PLCB1: variants seen among roughly 807,000 people sequenced by gnomAD.
The protein encoded by PLCB1 is phospholipase C beta 1, also known as 1-phosphatidylinositol 4,5-bisphosphate phosphodiesterase beta-1.
In PLCB1, 46 loss-of-function variants were observed where a neutral mutation model predicts 161.8. That is an observed-to-expected ratio of 0.28 (90% CI 0.22 to 0.36). PLCB1 has a LOEUF of 0.36. Ranked by LOEUF, PLCB1 falls within the 10% of genes least tolerant of loss-of-function variation. PLCB1 has a pLI of 1.00. For synonymous variants in PLCB1, 517 were observed against 503.7 expected, an observed-to-expected ratio of 1.03 and a Z score of -0.35; for missense variants, 1,016 against 1,472.5, an observed-to-expected ratio of 0.69 and a Z score of 5.07.
At chr20:8,626,814 G>A (rs1988363528) in intron 3 of PLCB1, among the ~76,000 whole-genome samples, 2 of 152,172 alleles carry the variant, frequency 1.3e-5, no homozygotes, top group Admixed American at 6.5e-5. Context: ...TCTCAATGGT[G>A]TTCAAAAACT....
intron 3 of PLCB1, among the ~76,000 whole-genome samples, chr20:8,572,706 CA>C (rs1275525453): frequency 6.6e-6 from 1 of 152,104 alleles, no homozygotes; most frequent in African/African-American, 2.4e-5. Context: ...ACTTCAGTTA[CA>C]AAACACAAGC....
At chr20:8,756,953 T>G in intron 23 of PLCB1, 93 bp from the exon 24 acceptor site, 1 of 1,177,942 alleles carries the variant, frequency 8.5e-7, no homozygotes, top group South Asian at 1.7e-5. Flanking sequence ...AAAAGAATTG[T>G]GAAGATGCTA....
At chr20:8,156,463 T>C (rs1333273261) in intron 2 of PLCB1, among the ~76,000 whole-genome samples, 2 of 152,246 alleles carry the variant, frequency 1.3e-5, no homozygotes, top group Non-Finnish European at 2.9e-5. Flanking sequence ...TAGGAACTGC[T>C]TAATGCAGAT....
At chr20:8,650,095 C>G (rs1418573508) in intron 7 of PLCB1, 2 of 151,720 alleles carry the variant, frequency 1.3e-5, no homozygotes, top group African/African-American at 4.8e-5. Flanking sequence ...TTAAAATAGT[C>G]AAAAAAGGCT....
intron 9 of PLCB1, among the ~76,000 whole-genome samples, chr20:8,664,315 G>GT (rs1989757009): frequency 6.6e-6 from 1 of 152,000 alleles, no homozygotes; most frequent in Admixed American, 6.6e-5. Context: ...TGAGTTAATA[G>GT]TTTAATAGTT....
At chr20:8,712,611 C>T (rs1416730403) in intron 12 of PLCB1, among the ~76,000 whole-genome samples, 5 of 152,230 alleles carry the variant, frequency 3.3e-5, no homozygotes, top group Non-Finnish European at 7.3e-5. Context: ...ACACCAAATT[C>T]AATGGAAGTA....
chr20:8,829,487 G>C (rs576127564), intron 31 of PLCB1, among the ~76,000 whole-genome samples: 32 of 152,332 alleles, frequency 2.1e-4, no homozygotes, highest in African/African-American at 6.7e-4. Flanking sequence ...TTACACACAT[G>C]CTTTAGTTTG....
intron 2 of PLCB1, among the ~76,000 whole-genome samples, chr20:8,290,232 C>T (rs776120768): frequency 1.3e-5 from 2 of 152,126 alleles, no homozygotes; most frequent in African/African-American, 2.4e-5. Flanking sequence ...AGAGAAGATC[C>T]TGGATTACTC....
intron 2 of PLCB1, among the ~76,000 whole-genome samples, chr20:8,256,296 G>A (rs747402934): frequency 6.6e-6 from 1 of 152,120 alleles, no homozygotes; most frequent in Non-Finnish European, 1.5e-5. Flanking sequence ...CCTATCCTGG[G>A]TGGTTCTTCC....
chr20:8,590,654 T>G (rs1987120838), intron 3 of PLCB1, among the ~76,000 whole-genome samples: 2 of 152,144 alleles, frequency 1.3e-5, no homozygotes, highest in Non-Finnish European at 1.5e-5. Context: ...TCCTCACCTT[T>G]TCCAGCTTCA....
At chr20:8,569,073 A>G (rs1294065023) in intron 3 of PLCB1, among the ~76,000 whole-genome samples, 2 of 152,194 alleles carry the variant, frequency 1.3e-5, no homozygotes, top group Non-Finnish European at 2.9e-5. Context: ...CTGGTTTGTA[A>G]GGGAGCTCTC....
chr20:8,862,564 A>T (rs1987292771), intron 31 of PLCB1, among the ~76,000 whole-genome samples: 1 of 152,220 alleles, frequency 6.6e-6, no homozygotes, highest in Admixed American at 6.5e-5. Flanking sequence ...GCTTGAATAT[A>T]ATCACTTCAA....
intron 1 of PLCB1, chr20:8,141,829 C>T (rs1162450804): frequency 2.0e-5 from 3 of 152,152 alleles, no homozygotes; most frequent in South Asian, 2.1e-4. Context: ...TTCTTCTTCT[C>T]GACATACGTG....
intron 3 of PLCB1, among the ~76,000 whole-genome samples, chr20:8,548,877 A>G (rs1470942414): frequency 6.6e-6 from 1 of 152,230 alleles, no homozygotes; most frequent in Non-Finnish European, 1.5e-5. Context: ...TCAAGAAGTA[A>G]CCACTGCGAA....
At chr20:8,603,094 G>C (rs976515905) in intron 3 of PLCB1, among the ~76,000 whole-genome samples, 5 of 152,146 alleles carry the variant, frequency 3.3e-5, no homozygotes, top group East Asian at 1.9e-4. Context: ...AAAGGTCTAC[G>C]GTGTATGACA....
At chr20:8,186,014 C>A (rs1337884242) in intron 2 of PLCB1, among the ~76,000 whole-genome samples, 1 of 152,138 alleles carries the variant, frequency 6.6e-6, no homozygotes, top group Non-Finnish European at 1.5e-5. Context: ...TAGTAGTATT[C>A]CAGTGTCCTC....
At chr20:8,159,421 G>A (rs1352122650) in intron 2 of PLCB1, among the ~76,000 whole-genome samples, 2 of 152,046 alleles carry the variant, frequency 1.3e-5, no homozygotes, top group Middle Eastern at 3.2e-3. Context: ...TTCCTCCTAG[G>A]CCTCTGGGCC....
chr20:8,215,149 A>T (rs1979049095), intron 2 of PLCB1, among the ~76,000 whole-genome samples: 1 of 151,868 alleles, frequency 6.6e-6, no homozygotes, highest in Admixed American at 6.6e-5. Context: ...TGTTGTTCTG[A>T]TCTCTTGACC....
chr20:8,809,220 T>C (rs1984691161), intron 31 of PLCB1, among the ~76,000 whole-genome samples: 2 of 152,138 alleles, frequency 1.3e-5, no homozygotes, highest in South Asian at 4.2e-4. Flanking sequence ...TTGCCCAGGC[T>C]GATCTTAAAC....
Sources: gnomAD v4.1 joint callset for allele counts (sites outside exome capture counted in the v4.1 genomes callset) on GRCh38, gnomAD v4.1.1 for gene constraint, MANE v1.5 for transcripts, NCBI Gene and HGNC (gene_info 2026-07-23, HGNC 2026-07-21) for gene names.